FAM114A2: variants seen among roughly 807,000 people sequenced by gnomAD.
FAM114A2 encodes protein FAM114A2.
A neutral mutation model predicts 58.4 loss-of-function variants in FAM114A2; 53 were observed. The observed-to-expected ratio is 0.91, with a 90% CI of 0.73 to 1.14. The LOEUF (loss-of-function observed/expected upper bound fraction) is 1.14. Among genes scored for constraint, FAM114A2 ranks in the 50% most tolerant of loss-of-function variants. The probability of loss-of-function intolerance (pLI) is 0.00; values close to 1 mark genes in which losing one functional copy is unlikely to be tolerated. For synonymous variants in FAM114A2, 228 were observed against 211.4 expected, an observed-to-expected ratio of 1.08 and a Z score of -0.68; for missense variants, 601 against 581.1, an observed-to-expected ratio of 1.03 and a Z score of -0.35.
In FAM114A2 at chr5:153,999,743, T is replaced by A. The variant is rs549647788; in HGVS notation, c.1257-1868A>T. ...ACTATGAAAACCAGTATGAAGATTTTTCAAAAAATAAAATGGAACTACCAA... is the reference window on the plus strand; with the variant it reads ...ACTATGAAAACCAGTATGAAGATTTATCAAAAAATAAAATGGAACTACCAA... On this transcript the variant is annotated intron_variant, in intron 11 of 13. Transcript: ENST00000351797. Among the ~76,000 whole-genome samples the A allele has an allele frequency of 2.0e-5, 3 of 152,090 alleles. No homozygotes were observed. The South Asian group carries it at 6.2e-4, about 32-fold the overall frequency.
intron 2 of FAM114A2, 73 bp downstream of exon 2, chr5:154,034,671 T>C: frequency 1.8e-6 from 2 of 1,124,192 alleles, no homozygotes. Flanking sequence ...TTATGCCAAA[T>C]TTCTTTTAGC....
At chr5:154,025,470 C>A (rs534226511) in intron 8 of FAM114A2, among the ~76,000 whole-genome samples, 1 of 152,186 alleles carries the variant, frequency 6.6e-6, no homozygotes, top group African/African-American at 2.4e-5. Flanking sequence ...CCTAAGTAGA[C>A]AACATCTTAG....
chr5:154,007,550 T>G (rs1029756131), intron 9 of FAM114A2, among the ~76,000 whole-genome samples: 1 of 152,176 alleles, frequency 6.6e-6, no homozygotes, highest in Non-Finnish European at 1.5e-5. Context: ...GCCTAAAATT[T>G]AAACAATCTG....
At position 154,011,292 on chromosome 5, in the gene FAM114A2, T is replaced by G; in HGVS notation, c.942A>C (p.Thr314=). The G allele has an allele frequency of 6.2e-7, 1 of 1,612,800 alleles. No homozygotes were observed. Among genetic ancestry groups the G allele is most frequent in the South Asian group, 1.1e-5 (1 of 90,708 alleles). ...AAACGTGCAGCTGGGAAAACAGCTC[T>G]GTTATGTCCTTGGTAAAATCTTCAT... The part of the protein sequence containing the change: ...KGDEDFTKDI[T]ELFSQLHVSS... Residue 314 remains threonine, a synonymous_variant, in exon 9 of 14, where the codon ACA becomes ACC. Transcript: ENST00000351797.
At chr5:153,994,593 T>C (rs1390801204) in intron 13 of FAM114A2, 1 of 208,034 alleles carries the variant, frequency 4.8e-6, no homozygotes, top group African/African-American at 2.3e-5. Flanking sequence ...AGTGCTTACC[T>C]GTTTATAATT....
chr5:154,025,162 C>G (rs1771694844), intron 8 of FAM114A2, among the ~76,000 whole-genome samples: 1 of 152,140 alleles, frequency 6.6e-6, no homozygotes, highest in Non-Finnish European at 1.5e-5. Flanking sequence ...AGTGCTTTTC[C>G]TGAGACAACC....
intron 13 of FAM114A2, among the ~76,000 whole-genome samples, chr5:153,993,381 C>T (rs1295355879): frequency 1.3e-5 from 2 of 152,186 alleles, no homozygotes; most frequent in Non-Finnish European, 2.9e-5. Flanking sequence ...CATGGTCAGA[C>T]TTGGCATTCA....
At chr5:154,025,125 A>G (rs976026212) in intron 8 of FAM114A2, among the ~76,000 whole-genome samples, 1 of 152,172 alleles carries the variant, frequency 6.6e-6, no homozygotes, top group Non-Finnish European at 1.5e-5. Context: ...AAAAGCACAT[A>G]GTTCAGCTCA....
At chr5:154,000,419 T>C (rs1769899176) in intron 11 of FAM114A2, among the ~76,000 whole-genome samples, 2 of 152,174 alleles carry the variant, frequency 1.3e-5, no homozygotes, top group South Asian at 4.1e-4. Context: ...ATACTCTGAC[T>C]TCATCATTAT....
At chr5:154,023,929 C>T (rs1386110650) in intron 8 of FAM114A2, among the ~76,000 whole-genome samples, 3 of 152,106 alleles carry the variant, frequency 2.0e-5, no homozygotes, top group Non-Finnish European at 2.9e-5. Flanking sequence ...ACACAGTTAA[C>T]TTTATGTTTC....
At chr5:154,027,106 G>C (rs1466608187) in intron 7 of FAM114A2, 70 bp downstream of exon 7, 13 of 1,296,402 alleles carry the variant, frequency 1.0e-5, no homozygotes, top group Non-Finnish European at 1.3e-5. Flanking sequence ...AATGTACAAA[G>C]AGAAAGGAAA....
At position 153,991,248 on chromosome 5, in the gene FAM114A2, G is replaced by C. The variant is rs1181237334; in HGVS notation, c.*1728C>G. 6.6e-6 allele frequency: 1 copy of C among 152,104 alleles called. No homozygotes were observed. The highest frequency in any genetic ancestry group is 1.5e-5 in the Non-Finnish European group (1 of 68,004). 9.4% of individuals were successfully genotyped at this position (152,104 alleles called of 1,614,324 possible). A position where few individuals can be genotyped will look rare whatever the true frequency, so the allele number is the denominator to read the frequency against. On this transcript the variant is annotated 3_prime_UTR_variant, in exon 14 of 14. Transcript: ENST00000351797. ...CCTTCATATGTATACCCCATTTCTT[G>C]AAAGAAAAACCTTAAATACATTTCT...
At chr5:153,995,739 T>C (rs1769515005) in intron 12 of FAM114A2, among the ~76,000 whole-genome samples, 2 of 152,196 alleles carry the variant, frequency 1.3e-5, no homozygotes, top group South Asian at 4.1e-4. Flanking sequence ...CCCAACTCAT[T>C]ATTACTGGTT....
chr5:154,021,251 C>A (rs929504665), intron 8 of FAM114A2, among the ~76,000 whole-genome samples: 4 of 152,190 alleles, frequency 2.6e-5, no homozygotes, highest in Non-Finnish European at 5.9e-5. Flanking sequence ...CAGGGATGCC[C>A]TCTCTCACCG....
chr5:154,007,149 A>G (rs1364202841), intron 9 of FAM114A2, among the ~76,000 whole-genome samples: 2 of 152,168 alleles, frequency 1.3e-5, no homozygotes, highest in Non-Finnish European at 2.9e-5. Context: ...CTTGTAATAA[A>G]TATATTAAGT....
chr5:154,038,257 T>G (rs1772727189), intron 1 of FAM114A2: 1 of 152,302 alleles, frequency 6.6e-6, no homozygotes, highest in Non-Finnish European at 1.5e-5. Flanking sequence ...CACACATATA[T>G]ATTACGTATA....
intron 7 of FAM114A2, among the ~76,000 whole-genome samples, chr5:154,026,749 T>A (rs1771803545): frequency 6.6e-6 from 1 of 152,042 alleles, no homozygotes; most frequent in South Asian, 2.1e-4. Context: ...CTGGAAATTA[T>A]CAGTGTTTAG....
At chr5:154,025,088 T>C (rs1771688578) in intron 8 of FAM114A2, among the ~76,000 whole-genome samples, 1 of 152,158 alleles carries the variant, frequency 6.6e-6, no homozygotes, top group South Asian at 2.1e-4. Context: ...ACTGTTATCC[T>C]TTCAAGTAAA....
In FAM114A2 at chr5:154,034,303, T is replaced by C. The variant is rs771316302; in HGVS notation, c.285A>G (p.Ser95=). ...CTACTGTAGCTACTGTAGCCGAGGC[T>C]GAGGAGAGTATGGACTTGCCCCAGC... is the stretch of plus-strand genomic sequence containing the variant. ...WGSWGKSILS[S]ASATVATVGQ... The change falls in exon 3 of 14, where the codon TCA becomes TCG. Residue 95 remains serine (S), a synonymous_variant. Coordinates refer to ENST00000351797, the MANE Select transcript of FAM114A2 (RefSeq NM_018691.4). 9.4e-6 allele frequency: 15 copies of C among 1,596,294 alleles called. No individual in the cohort carries two copies. Among genetic ancestry groups the C allele is most frequent in the Non-Finnish European group, 1.2e-5 (14 of 1,171,090 alleles).
Sources: gnomAD v4.1 joint callset for allele counts (sites outside exome capture counted in the v4.1 genomes callset) on GRCh38, gnomAD v4.1.1 for gene constraint, MANE v1.5 for transcripts, NCBI Gene and HGNC (gene_info 2026-07-23, HGNC 2026-07-21) for gene names.